The following ENOX2 variants were observed in gnomAD, a reference collection of about 807,000 sequenced individuals.
ENOX2 encodes the protein APK1 antigen.
Under a neutral mutation model 45.0 loss-of-function variants are expected in ENOX2, and 36 were observed. The observed-to-expected ratio is 0.80, with a 90% CI of 0.61 to 1.06. ENOX2 has a LOEUF of 1.06. Among genes scored for constraint, ENOX2 ranks in the 50% least tolerant of loss-of-function variants. The pLI is 0.00. For missense variants in ENOX2, 423 were observed against 462.5 expected (o/e 0.91, Z 0.78); for synonymous variants, 174 against 152.3 (o/e 1.14, Z -1.05).
intron 3 of ENOX2, among the ~76,000 whole-genome samples, chrX:130,721,816 C>T (rs978010650): frequency 8.9e-6 from 1 of 112,159 alleles, no homozygotes; most frequent in African/African-American, 3.2e-5. Context: ...GCATTTCTTT[C>T]TATAGGACCT....
intron 2 of ENOX2, among the ~76,000 whole-genome samples, chrX:130,848,819 A>T (rs1304447020): frequency 1.7e-4 from 19 of 111,199 alleles, no homozygotes; most frequent in African/African-American, 5.6e-4. Context: ...AAACAAAACA[A>T]ACAAAAAAAA....
At chrX:130,665,116 A>G (rs1239480466) in intron 9 of ENOX2, among the ~76,000 whole-genome samples, 4 of 112,266 alleles carry the variant, frequency 3.6e-5, no homozygotes, top group Non-Finnish European at 7.5e-5. Flanking sequence ...TCACTTGAGT[A>G]TAAGCAGAGA....
intron 1 of ENOX2, among the ~76,000 whole-genome samples, chrX:130,902,440 T>A (rs1245820897): frequency 9.1e-6 from 1 of 109,743 alleles, no homozygotes; most frequent in Non-Finnish European, 1.9e-5. Flanking sequence ...GAGGGGAAAC[T>A]CTCCCCACTT....
At chrX:130,859,010 A>G (rs1046994007) in intron 2 of ENOX2, among the ~76,000 whole-genome samples, 2 of 112,526 alleles carry the variant, frequency 1.8e-5, no homozygotes. Flanking sequence ...AAAGATGGGC[A>G]AGATACGATC....
intron 11 of ENOX2, among the ~76,000 whole-genome samples, chrX:130,636,031 A>C (rs1049557325): frequency 1.8e-5 from 2 of 112,075 alleles, no homozygotes; most frequent in African/African-American, 6.5e-5. Context: ...GAGGGGAAAA[A>C]CAGCAACAAC....
chrX:130,829,596 C>T lies in ENOX2; in HGVS notation c.-182-45906G>A, dbSNP rs191837447. ...ACATTTTCTGGCCCAAGAAATGATA[C>T]AGAACTTTGGGTAACAATAATGGCT... On this transcript the variant is annotated intron_variant, in intron 2 of 14. Coordinates refer to ENST00000394363, the MANE Select transcript of ENOX2 (RefSeq NM_006375.4). 7.2e-4 allele frequency among the ~76,000 whole-genome samples: 80 copies of T among 111,723 alleles called. 2 individuals are homozygous for T. The highest frequency in any genetic ancestry group is 2.5e-3 in the African/African-American group (76 of 30,783).
chrX:130,892,672 G>A (rs949712205), intron 2 of ENOX2, among the ~76,000 whole-genome samples: 2 of 112,767 alleles, frequency 1.8e-5, no homozygotes, highest in African/African-American at 6.4e-5. Context: ...AGTCATCCAA[G>A]AGTTAATGAA....
rs758629033 is a variant in ENOX2 at position 130,762,698 on chromosome X, T to C, written c.-39+20849A>G. Among the ~76,000 whole-genome samples, 3 of 112,496 alleles carry C rather than the reference T, an allele frequency of 2.7e-5. No individual in the cohort carries two copies. The Admixed American group carries it at 2.8e-4, about 11-fold the overall frequency. On this transcript the variant is annotated intron_variant, in intron 3 of 14. Transcript: ENST00000394363. ...TTTCTGTTACTGAATTCTCGTTTTA[T>C]TCCATTGTGGTTGGAGGGCATGCTC...
intron 2 of ENOX2, among the ~76,000 whole-genome samples, chrX:130,882,860 G>A (rs1440933217): frequency 1.8e-5 from 2 of 111,715 alleles, no homozygotes; most frequent in Non-Finnish European, 3.8e-5. Context: ...ATACTCCACA[G>A]TGGTTAAGAG....
At chrX:130,870,409 C>T (rs2148551721) in intron 2 of ENOX2, among the ~76,000 whole-genome samples, 1 of 111,731 alleles carries the variant, frequency 9.0e-6, no homozygotes, top group South Asian at 3.8e-4. Flanking sequence ...TACATGTAAT[C>T]CGGCATCTTC....
At position 130,836,844 on chromosome X, in the gene ENOX2, G is replaced by A. The variant is rs142456437; in HGVS notation, c.-182-53154C>T. Reference sequence around the variant, plus strand: ...AAAGAAAGGCTGGGGGAGAGGAAGAGAGTAAGCTATTTAGCTTTATCTGTG... The same window carrying A: ...AAAGAAAGGCTGGGGGAGAGGAAGAAAGTAAGCTATTTAGCTTTATCTGTG... On this transcript the variant is annotated intron_variant, in intron 2 of 14. Coordinates refer to ENST00000394363, the MANE Select transcript of ENOX2 (RefSeq NM_006375.4). 2.7e-5 allele frequency among the ~76,000 whole-genome samples: 3 copies of A among 112,119 alleles called. No individual in the cohort carries two copies. In the Admixed American group the frequency reaches 2.8e-4, roughly 11 times the overall value.
intron 14 of ENOX2, among the ~76,000 whole-genome samples, chrX:130,627,157 C>CT (rs971006343): frequency 3.3e-4 from 36 of 107,843 alleles, no homozygotes; most frequent in African/African-American, 8.7e-4. Context: ...ATTGCTCCAT[C>CT]TTTTTTTTTT....
intron 3 of ENOX2, among the ~76,000 whole-genome samples, chrX:130,770,637 C>T (rs2039718404): frequency 9.0e-6 from 1 of 111,711 alleles, no homozygotes; most frequent in Non-Finnish European, 1.9e-5. Flanking sequence ...GACTAGTAAA[C>T]ATTTGAAAAA....
chrX:130,806,595 A>T, intron 2 of ENOX2, among the ~76,000 whole-genome samples: 1 of 112,139 alleles, frequency 8.9e-6, no homozygotes, highest in South Asian at 3.7e-4. Flanking sequence ...CCACTGACTC[A>T]CTAAGGGCTT....
At chrX:130,835,641 G>A (rs2148493311) in intron 2 of ENOX2, among the ~76,000 whole-genome samples, 1 of 111,049 alleles carries the variant, frequency 9.0e-6, no homozygotes, top group South Asian at 3.9e-4. Context: ...GGAGTCCCGA[G>A]GCCTGGGTTT....
intron 3 of ENOX2, among the ~76,000 whole-genome samples, chrX:130,743,902 A>G (rs1221304148): frequency 8.9e-6 from 1 of 112,250 alleles, no homozygotes; most frequent in African/African-American, 3.2e-5. Context: ...TGTGTTTTAT[A>G]TTACAAAGCT....
At chrX:130,837,769 T>C (rs767343095) in intron 2 of ENOX2, among the ~76,000 whole-genome samples, 2 of 111,887 alleles carry the variant, frequency 1.8e-5, no homozygotes, top group South Asian at 7.6e-4. Flanking sequence ...ACCTACCTCA[T>C]AGGATTGCAA....
At chrX:130,708,791 C>T (rs962017846) in intron 3 of ENOX2, among the ~76,000 whole-genome samples, 1 of 112,099 alleles carries the variant, frequency 8.9e-6, no homozygotes, top group African/African-American at 3.2e-5. Flanking sequence ...CAGGATACTA[C>T]TCTATTATTG....
At chrX:130,892,589 C>T (rs1432824913) in intron 2 of ENOX2, among the ~76,000 whole-genome samples, 2 of 112,688 alleles carry the variant, frequency 1.8e-5, no homozygotes, top group East Asian at 5.6e-4. Flanking sequence ...CTGGCACTAG[C>T]TCTGTTTCTG....
Sources: gnomAD v4.1 joint callset for allele counts (sites outside exome capture counted in the v4.1 genomes callset) on GRCh38, gnomAD v4.1.1 for gene constraint, MANE v1.5 for transcripts, NCBI Gene and HGNC (gene_info 2026-07-23, HGNC 2026-07-21) for gene names.